MSRB3: variants seen among roughly 807,000 people sequenced by gnomAD.
MSRB3 encodes methionine-R-sulfoxide reductase B3.
Under a neutral mutation model 21.0 loss-of-function variants are expected in MSRB3, and 13 were observed. That is an observed-to-expected ratio of 0.62 (90% CI 0.40 to 0.98). The LOEUF (loss-of-function observed/expected upper bound fraction) is 0.98, where lower values mean the gene tolerates loss of function less well. Ranked by LOEUF, MSRB3 falls within the 50% of genes least tolerant of loss-of-function variation. The pLI is 0.00. For missense variants in MSRB3, 199 were observed against 230.3 expected (o/e 0.86, Z 0.88); for synonymous variants, 87 against 88.6 (o/e 0.98, Z 0.10).
At chr12:65,320,101 C>T (rs1285763427) in intron 2 of MSRB3, among the ~76,000 whole-genome samples, 2 of 152,016 alleles carry the variant, frequency 1.3e-5, no homozygotes, top group African/African-American at 2.4e-5. Context: ...GTGCATACAT[C>T]TATAGAATAT....
At chr12:65,356,882 A>G (rs1239419868) in intron 4 of MSRB3, among the ~76,000 whole-genome samples, 2 of 151,910 alleles carry the variant, frequency 1.3e-5, no homozygotes, top group African/African-American at 2.4e-5. Context: ...ATTTTATACT[A>G]TCTCTTTTCA....
chr12:65,409,637 A>G (rs1880613036), intron 5 of MSRB3, among the ~76,000 whole-genome samples: 1 of 152,008 alleles, frequency 6.6e-6, no homozygotes, highest in African/African-American at 2.4e-5. Context: ...ATAATTGAGA[A>G]TTTGCTTCCA....
At chr12:65,353,657 G>C (rs892836323) in intron 4 of MSRB3, among the ~76,000 whole-genome samples, 1 of 152,122 alleles carries the variant, frequency 6.6e-6, no homozygotes, top group African/African-American at 2.4e-5. Flanking sequence ...ACAGCACCCT[G>C]ATGGGTCTTG....
At chr12:65,432,382 G>A (rs1255293965) in intron 5 of MSRB3, among the ~76,000 whole-genome samples, 3 of 151,928 alleles carry the variant, frequency 2.0e-5, no homozygotes, top group Non-Finnish European at 4.4e-5. Flanking sequence ...AAGGAAAGAT[G>A]AATGGATTCC....
At chr12:65,448,851 A>T (rs1442975275) in intron 5 of MSRB3, among the ~76,000 whole-genome samples, 4 of 152,202 alleles carry the variant, frequency 2.6e-5, no homozygotes, top group Admixed American at 6.5e-5. Context: ...GGAAGAATTG[A>T]CAGGGAATGT....
intron 3 of MSRB3, 31 bp downstream of exon 3, chr12:65,326,965 G>A (rs1174205775): frequency 4.5e-6 from 7 of 1,541,016 alleles, no homozygotes; most frequent in Non-Finnish European, 5.4e-6. Flanking sequence ...AAGTCATTAA[G>A]AGCTAGATTT....
chr12:65,396,704 AAAAGAAAG>A lies in MSRB3; in HGVS notation c.292+27722_292+27729del, dbSNP rs752672139. 5.8e-3 allele frequency among the ~76,000 whole-genome samples: 315 copies of A among 54,118 alleles called. 2 individuals are homozygous for A. The highest frequency in any genetic ancestry group is 0.014 in the Middle Eastern group (2 of 138). 35.5% of individuals were successfully genotyped at this position (54,118 alleles called of 152,430 possible). On this transcript the variant is annotated intron_variant, in intron 5 of 6. Transcript: ENST00000308259. ...GAAACTCCATCTCAAAAAAAAAAAA[AAAAGAAAG>A]AAAGAAAGAAAGAAAGAAAGAAAGA...
chr12:65,296,356 C>T (rs532920374), intron 1 of MSRB3, among the ~76,000 whole-genome samples: 58 of 152,308 alleles, frequency 3.8e-4, no homozygotes, highest in African/African-American at 1.3e-3. Context: ...TTTTAAACTT[C>T]GTCTTACTTT....
chr12:65,430,896 G>A (rs1881844923), intron 5 of MSRB3, among the ~76,000 whole-genome samples: 1 of 152,070 alleles, frequency 6.6e-6, no homozygotes, highest in South Asian at 2.1e-4. Context: ...ATACAGGCAA[G>A]TCTGGTGCCC....
chr12:65,318,619 T>C (rs564182013), intron 2 of MSRB3, among the ~76,000 whole-genome samples: 1 of 152,200 alleles, frequency 6.6e-6, no homozygotes, highest in African/African-American at 2.4e-5. Context: ...AGAATTGAAG[T>C]AAAGTGACTT....
chr12:65,374,883 T>G (rs767857402), intron 5 of MSRB3, among the ~76,000 whole-genome samples: 4 of 152,194 alleles, frequency 2.6e-5, no homozygotes, highest in African/African-American at 9.7e-5. Flanking sequence ...GGAGTCTTGC[T>G]CTGTCGCCCA....
chr12:65,439,346 T>G (rs992176508), intron 5 of MSRB3, among the ~76,000 whole-genome samples: 3 of 151,750 alleles, frequency 2.0e-5, no homozygotes, highest in African/African-American at 7.2e-5. Context: ...GTGGATAACT[T>G]TGATCTCTCT....
intron 1 of MSRB3, among the ~76,000 whole-genome samples, chr12:65,293,975 A>G (rs7306826): frequency 0.42 from 63,189 of 152,042 alleles, 14,535 homozygotes; most frequent in African/African-American, 0.62. Flanking sequence ...GTAGAGGGGA[A>G]GGAAGCAGCA....
At chr12:65,294,868 C>A (rs1394089157) in intron 1 of MSRB3, among the ~76,000 whole-genome samples, 1 of 152,096 alleles carries the variant, frequency 6.6e-6, no homozygotes, top group Non-Finnish European at 1.5e-5. Flanking sequence ...GTTGCCCAGG[C>A]AGGGATGCAG....
At chr12:65,410,576 T>G (rs1880663908) in intron 5 of MSRB3, among the ~76,000 whole-genome samples, 1 of 152,044 alleles carries the variant, frequency 6.6e-6, no homozygotes, top group South Asian at 2.1e-4. Context: ...CCTAGGAGGT[T>G]GAGGCTGCAG....
intron 6 of MSRB3, among the ~76,000 whole-genome samples, chr12:65,454,939 C>T (rs969075939): frequency 6.6e-6 from 1 of 152,156 alleles, no homozygotes; most frequent in African/African-American, 2.4e-5. Context: ...GTTCTTTCAA[C>T]CTGCTTTAAA....
At chr12:65,333,402 A>G (rs868348238) in intron 4 of MSRB3, among the ~76,000 whole-genome samples, 6 of 152,216 alleles carry the variant, frequency 3.9e-5, no homozygotes, top group African/African-American at 9.6e-5. Context: ...TTACCAGGCC[A>G]AGAGAGGGGT....
At chr12:65,288,357 C>T (rs1288700036) in intron 1 of MSRB3, among the ~76,000 whole-genome samples, 2 of 151,588 alleles carry the variant, frequency 1.3e-5, no homozygotes, top group African/African-American at 4.8e-5. Context: ...TTAAAGTCTC[C>T]AACTTTCTGT....
intron 1 of MSRB3, among the ~76,000 whole-genome samples, chr12:65,289,432 G>T (rs1434822940): frequency 1.3e-5 from 2 of 152,186 alleles, no homozygotes; most frequent in Non-Finnish European, 2.9e-5. Flanking sequence ...GGCAGAGGTT[G>T]CAGTGAGCCA....
Sources: allele counts gnomAD v4.1 joint callset (sites outside exome capture counted in the v4.1 genomes callset), GRCh38; gene constraint gnomAD v4.1.1; transcripts MANE v1.5; gene names NCBI Gene and HGNC (gene_info 2026-07-23, HGNC 2026-07-21).